RIMS2: variants seen among roughly 807,000 people sequenced by gnomAD.
RIMS2 encodes the protein regulating synaptic membrane exocytosis protein 2.
In RIMS2, 59 loss-of-function variants were observed where a neutral mutation model predicts 174.4. The ratio of observed to expected loss-of-function variants is 0.34; its 90% CI spans 0.27 to 0.42. The LOEUF is 0.42. Among genes scored for constraint, RIMS2 ranks in the 10% least tolerant of loss-of-function variants. The probability of loss-of-function intolerance (pLI) is 1.00; values close to 1 mark genes in which losing one functional copy is unlikely to be tolerated. For missense variants in RIMS2, 1,620 were observed against 1,666.3 expected (o/e 0.97, Z 0.48); for synonymous variants, 606 against 572.5 (o/e 1.06, Z -0.84).
chr8:103,515,663 A>C (rs1184155392), intron 1 of RIMS2, among the ~76,000 whole-genome samples: 1 of 152,144 alleles, frequency 6.6e-6, no homozygotes, highest in African/African-American at 2.4e-5. Context: ...ATTTATATTC[A>C]AGAGCTCTGG....
At chr8:103,989,399 C>A (rs772532564) in exon 17 of RIMS2, 2 of 1,591,334 alleles carry the variant, frequency 1.3e-6, no homozygotes, top group South Asian at 1.1e-5. Flanking sequence ...CATGGATGAC[C>A]ATTATTCTCC....
intron 2 of RIMS2, among the ~76,000 whole-genome samples, chr8:103,717,050 G>C (rs189984885): frequency 6.7e-6 from 1 of 150,150 alleles, no homozygotes; most frequent in Non-Finnish European, 1.5e-5. Context: ...CAGACTTAAA[G>C]TTGAGGACTT....
At chr8:104,208,493 G>A (rs565275501) in intron 19 of RIMS2, among the ~76,000 whole-genome samples, 272 of 152,002 alleles carry the variant, frequency 1.8e-3, no homozygotes, top group African/African-American at 5.8e-3. Flanking sequence ...GCTTCAACCC[G>A]GGAGGCGGAA....
chr8:103,576,907 C>T (rs1221612716), intron 1 of RIMS2, among the ~76,000 whole-genome samples: 1 of 152,106 alleles, frequency 6.6e-6, no homozygotes, highest in Non-Finnish European at 1.5e-5. Flanking sequence ...TTCCTTACAC[C>T]TTATACAAAA....
At chr8:103,856,139 A>G (rs946236241) in intron 3 of RIMS2, among the ~76,000 whole-genome samples, 5 of 152,112 alleles carry the variant, frequency 3.3e-5, no homozygotes, top group African/African-American at 9.7e-5. Context: ...TCTTTCTTAC[A>G]TTTTAGTAGT....
intron 1 of RIMS2, among the ~76,000 whole-genome samples, chr8:103,588,064 G>T (rs1226386384): frequency 6.6e-6 from 1 of 151,874 alleles, no homozygotes; most frequent in Non-Finnish European, 1.5e-5. Context: ...AAAGTTACAG[G>T]ATACAAAAGC....
At chr8:103,728,141 C>G (rs2097546401) in intron 2 of RIMS2, among the ~76,000 whole-genome samples, 1 of 151,750 alleles carries the variant, frequency 6.6e-6, no homozygotes, top group African/African-American at 2.4e-5. Flanking sequence ...AGTTTTTGTT[C>G]TAGGGATCTT....
rs1164709594 is a variant in RIMS2, at chr8:103,608,435, C to G, written c.177-88651C>G. Among the ~76,000 whole-genome samples the G allele has an allele frequency of 8.3e-5, 12 of 144,192 alleles. 1 individual carries two copies. The highest frequency in any genetic ancestry group is 3.4e-4 in the Admixed American group (5 of 14,884). 94.6% of individuals were successfully genotyped at this position (144,192 alleles called of 152,430 possible). A position where few individuals can be genotyped will look rare whatever the true frequency, so the allele number is the denominator to read the frequency against. ...ACATTTAAGTCTGCAGAGGTTACTG[C>G]TGTCTTTTTGTTTGTCTGTGCCCTG... On this transcript the variant is annotated intron_variant, in intron 1 of 23. Transcript: ENST00000504942.
chr8:104,203,413 G>A (rs1319600602), intron 19 of RIMS2, among the ~76,000 whole-genome samples: 1 of 151,080 alleles, frequency 6.6e-6, no homozygotes, highest in Non-Finnish European at 1.5e-5. Flanking sequence ...TAAGTGAAGA[G>A]AGCAACTTAG....
At chr8:103,522,070 C>G (rs1831971298) in intron 1 of RIMS2, among the ~76,000 whole-genome samples, 1 of 152,020 alleles carries the variant, frequency 6.6e-6, no homozygotes, top group Admixed American at 6.6e-5. Context: ...CCTAAATGGA[C>G]AGTTTCTTCC....
intron 1 of RIMS2, among the ~76,000 whole-genome samples, chr8:103,555,415 A>T (rs1849954039): frequency 6.6e-6 from 1 of 152,204 alleles, no homozygotes; most frequent in Non-Finnish European, 1.5e-5. Context: ...CATGGTTGGT[A>T]GGAATGTAAG....
At chr8:103,910,043 A>G (rs1256039583) in intron 4 of RIMS2, 4 of 722,116 alleles carry the variant, frequency 5.5e-6, no homozygotes, top group Non-Finnish European at 9.7e-6. Context: ...GAGACCAGAC[A>G]GGATCACACA....
intron 19 of RIMS2, among the ~76,000 whole-genome samples, chr8:104,118,282 A>G (rs1315193346): frequency 6.6e-6 from 1 of 152,040 alleles, no homozygotes; most frequent in African/African-American, 2.4e-5. Flanking sequence ...CAAAAACTCA[A>G]TACCAAAGAT....
chr8:103,870,516 A>C (rs1296408872), intron 3 of RIMS2, among the ~76,000 whole-genome samples: 1 of 152,240 alleles, frequency 6.6e-6, no homozygotes, highest in South Asian at 2.1e-4. Context: ...GTAGACTTTT[A>C]TTAGTGATGG....
chr8:103,872,615 G>C (rs1418010245), intron 3 of RIMS2, among the ~76,000 whole-genome samples: 1 of 152,192 alleles, frequency 6.6e-6, no homozygotes, highest in African/African-American at 2.4e-5. Context: ...CTACAACAAT[G>C]TGTGGCTCTC....
chr8:103,623,021 A>G (rs1192502210), intron 1 of RIMS2, among the ~76,000 whole-genome samples: 1 of 152,258 alleles, frequency 6.6e-6, no homozygotes, highest in Non-Finnish European at 1.5e-5. Context: ...GAGTAAAGAA[A>G]GACACTAACT....
At chr8:103,618,992 T>C (rs1340348307) in intron 1 of RIMS2, among the ~76,000 whole-genome samples, 1 of 151,680 alleles carries the variant, frequency 6.6e-6, no homozygotes, top group South Asian at 2.1e-4. Flanking sequence ...AAAAGTTGCT[T>C]GAATGACAAT....
Position 104,201,879 on chromosome 8 carries a change from T to C in RIMS2, c.3335-43037T>C, listed in dbSNP as rs749867818. The stretch of plus-strand genomic sequence containing the variant: ...ACAGTAATAGTATTCAGATGACTCA[T>C]TCAGCTCTATTGTAGAAGCTAGTAT... On this transcript the variant is annotated intron_variant, in intron 19 of 23. Coordinates refer to ENST00000504942, the Ensembl canonical transcript of RIMS2. 5.3e-5 allele frequency among the ~76,000 whole-genome samples: 8 copies of C among 152,212 alleles called. 1 individual carries two copies. Among genetic ancestry groups the C allele is most frequent in the Middle Eastern group, 3.2e-3 (1 of 316 alleles).
chr8:103,865,838 T>C (rs1016701090), intron 3 of RIMS2, among the ~76,000 whole-genome samples: 20 of 152,166 alleles, frequency 1.3e-4, no homozygotes, highest in Non-Finnish European at 4.4e-5. Flanking sequence ...AAAAATTGAT[T>C]AAAGTGTAAT....
Sources: gnomAD v4.1 joint callset for allele counts (sites outside exome capture counted in the v4.1 genomes callset) on GRCh38, gnomAD v4.1.1 for gene constraint, MANE v1.5 for transcripts, NCBI Gene and HGNC (gene_info 2026-07-23, HGNC 2026-07-21) for gene names.